The following NHSL2 variants were observed in gnomAD, a reference collection of about 807,000 sequenced individuals.
NHSL2 encodes NHS-like protein 2.
NHSL2 carries 27 observed loss-of-function variants against 53.4 expected under a neutral mutation model. The observed-to-expected ratio is 0.51, with a 90% CI of 0.37 to 0.70. The LOEUF (loss-of-function observed/expected upper bound fraction) is 0.70. NHSL2 is among the 30% of genes least tolerant of loss of function. The pLI, the probability that NHSL2 is intolerant of heterozygous loss-of-function variation, is 0.00. For missense variants in NHSL2, 892 were observed against 980.1 expected (o/e 0.91, Z 1.20); for synonymous variants, 408 against 404.1 (o/e 1.01, Z -0.12).
chrX:71,920,057 C>T (rs1397334563), intron 1 of NHSL2, among the ~76,000 whole-genome samples: 1 of 112,510 alleles, frequency 8.9e-6, no homozygotes, highest in Non-Finnish European at 1.9e-5. Flanking sequence ...CAGTAAAGTA[C>T]TGGGCAGTTT....
intron 1 of NHSL2, among the ~76,000 whole-genome samples, chrX:72,074,205 C>G (rs145489289): frequency 6.2e-5 from 7 of 112,535 alleles, no homozygotes; most frequent in African/African-American, 2.3e-4. Flanking sequence ...CCACCATTCT[C>G]TTCTCTGTAC....
intron 1 of NHSL2, among the ~76,000 whole-genome samples, chrX:72,002,407 A>C (rs1481497137): frequency 8.9e-6 from 1 of 112,702 alleles, no homozygotes; most frequent in African/African-American, 3.2e-5. Flanking sequence ...ATGCTTGATC[A>C]ATATTGAGAG....
chrX:72,061,122 T>C (rs2042397088), intron 1 of NHSL2, among the ~76,000 whole-genome samples: 1 of 112,595 alleles, frequency 8.9e-6, no homozygotes. Context: ...TTTATGAAAA[T>C]GGAAGGAATG....
At chrX:72,102,993 C>G (rs2042008559) in intron 1 of NHSL2, among the ~76,000 whole-genome samples, 1 of 112,458 alleles carries the variant, frequency 8.9e-6, no homozygotes, top group South Asian at 3.6e-4. Flanking sequence ...CACTCCCTAG[C>G]TCCAGTAGCA....
chrX:72,126,868 C>T (rs1025580647), intron 1 of NHSL2, among the ~76,000 whole-genome samples: 9 of 112,362 alleles, frequency 8.0e-5, no homozygotes, highest in African/African-American at 2.9e-4. Flanking sequence ...CACCCATAGT[C>T]CCCGGGAGAA....
chrX:72,125,642 C>T (rs1409723592), intron 1 of NHSL2, among the ~76,000 whole-genome samples: 1 of 111,995 alleles, frequency 8.9e-6, no homozygotes, highest in African/African-American at 3.3e-5. Flanking sequence ...CCTTCTCTGG[C>T]CATAACACAA....
chrX:71,943,211 C>T (rs1462357540), intron 1 of NHSL2, among the ~76,000 whole-genome samples: 1 of 111,657 alleles, frequency 9.0e-6, no homozygotes, highest in Admixed American at 9.5e-5. Flanking sequence ...CTCAACCTCT[C>T]GAGTAGCTGG....
At position 71,911,341 on chromosome X, in the gene NHSL2, G is replaced by A. The variant is rs1372577584; in HGVS notation, c.254G>A (p.Gly85Asp). The A allele has an allele frequency of 4.5e-6, 5 of 1,103,206 alleles. No individual in the cohort carries two copies. Among genetic ancestry groups the A allele is most frequent in the Non-Finnish European group, 5.9e-6 (5 of 843,688 alleles). 90.9% of individuals were successfully genotyped at this position (1,103,206 alleles called of 1,213,427 possible). A position where few individuals can be genotyped will look rare whatever the true frequency, so the allele number is the denominator to read the frequency against. ...CGCCGCCTTCCCTGCCGCCTGCTTGGCCCGGAGGAGGACGAGGAAGAGCTA... is the reference window on the plus strand; with the variant it reads ...CGCCGCCTTCCCTGCCGCCTGCTTGACCCGGAGGAGGACGAGGAAGAGCTA... ...LRRRLPCRLL[G>D]PEEDEEELAA... is the part of the protein sequence containing the mutation. Residue 85 changes from glycine to aspartate, a missense_variant, in exon 1 of 8, where the codon GGC becomes GAC. Coordinates refer to ENST00000633930, the MANE Select transcript of NHSL2 (RefSeq NM_001013627.3).
intron 1 of NHSL2, among the ~76,000 whole-genome samples, chrX:71,985,525 T>C (rs187281285): frequency 3.1e-4 from 35 of 112,759 alleles, no homozygotes; most frequent in African/African-American, 1.0e-3. Context: ...CACTCACAAC[T>C]AGTTTCCAAA....
chrX:71,964,055 A>G (rs1325548169), intron 1 of NHSL2, among the ~76,000 whole-genome samples: 3 of 81,723 alleles, frequency 3.7e-5, no homozygotes, highest in Admixed American at 1.4e-4. Flanking sequence ...ATATATATAT[A>G]TGTGTATATA....
chrX:72,131,292 TTCTCCCCCGGGAATG>T, intron 1 of NHSL2: 1 of 1,198,308 alleles, frequency 8.3e-7, no homozygotes, highest in Non-Finnish European at 1.1e-6. Flanking sequence ...AGAAGGGCAG[TTCTCCCCCGGGAATG>T]ACTTCGATCT....
chrX:72,112,979 C>A (rs1330103202), intron 1 of NHSL2, among the ~76,000 whole-genome samples: 1 of 111,814 alleles, frequency 8.9e-6, no homozygotes, highest in Admixed American at 9.5e-5. Flanking sequence ...CATGAGCTAC[C>A]ATGCCCAAAC....
At chrX:72,009,519 C>G (rs2042107514) in intron 1 of NHSL2, among the ~76,000 whole-genome samples, 2 of 112,241 alleles carry the variant, frequency 1.8e-5, no homozygotes, top group South Asian at 3.7e-4. Context: ...TTGGCTCCCT[C>G]ACTTCCTTCA....
chrX:72,091,386 G>A (rs1227343942), intron 1 of NHSL2, among the ~76,000 whole-genome samples: 1 of 111,260 alleles, frequency 9.0e-6, no homozygotes, highest in African/African-American at 3.3e-5. Flanking sequence ...CCCGGGAGGC[G>A]GAGCTTGCGG....
At chrX:72,116,329 T>C (rs776233708) in intron 1 of NHSL2, among the ~76,000 whole-genome samples, 1 of 112,167 alleles carries the variant, frequency 8.9e-6, no homozygotes, top group South Asian at 3.7e-4. Context: ...TCATAAAGTT[T>C]CCTGTGATTT....
At chrX:71,919,738 G>A (rs2041647542) in intron 1 of NHSL2, among the ~76,000 whole-genome samples, 1 of 111,698 alleles carries the variant, frequency 9.0e-6, no homozygotes, top group South Asian at 3.9e-4. Context: ...ACCACCAAGA[G>A]TCAAGGCAGC....
intron 1 of NHSL2, among the ~76,000 whole-genome samples, chrX:72,002,976 CAG>C (rs1485942054): frequency 9.0e-6 from 1 of 110,922 alleles, no homozygotes; most frequent in Non-Finnish European, 1.9e-5. Context: ...ATTCAATTGA[CAG>C]AGTGCCCACT....
chrX:72,046,502 A>G (rs2042306666), intron 1 of NHSL2, among the ~76,000 whole-genome samples: 1 of 112,300 alleles, frequency 8.9e-6, no homozygotes, highest in Non-Finnish European at 1.9e-5. Context: ...CTTTGCCAAT[A>G]TAAAAGTGAG....
chrX:72,021,768 G>T (rs1441476268), intron 1 of NHSL2, among the ~76,000 whole-genome samples: 1 of 111,354 alleles, frequency 9.0e-6, no homozygotes, highest in Non-Finnish European at 1.9e-5. Context: ...ATTTTCATTC[G>T]GTAGCTCCTC....
Sources: gnomAD v4.1 joint callset for allele counts (sites outside exome capture counted in the v4.1 genomes callset) on GRCh38, gnomAD v4.1.1 for gene constraint, MANE v1.5 for transcripts, NCBI Gene and HGNC (gene_info 2026-07-23, HGNC 2026-07-21) for gene names.